The following SH2D4A variants were observed in gnomAD, a reference collection of about 807,000 sequenced individuals.
The protein encoded by SH2D4A is SH2 domain-containing protein 4A.
A neutral mutation model predicts 64.7 loss-of-function variants in SH2D4A; 70 were observed. That is an observed-to-expected ratio of 1.08 (90% CI 0.89 to 1.32). The LOEUF (loss-of-function observed/expected upper bound fraction) is 1.32. Among genes scored for constraint, SH2D4A ranks in the 40% most tolerant of loss-of-function variants. SH2D4A has a pLI of 0.00. For synonymous variants in SH2D4A, 268 were observed against 200.7 expected, an observed-to-expected ratio of 1.34 and a Z score of -2.83; for missense variants, 706 against 540.1, an observed-to-expected ratio of 1.31 and a Z score of -3.04.
At chr8:19,391,211 G>A (rs1007125083) in intron 8 of SH2D4A, among the ~76,000 whole-genome samples, 4 of 152,140 alleles carry the variant, frequency 2.6e-5, no homozygotes, top group African/African-American at 7.2e-5. Flanking sequence ...TTGTTTCAAC[G>A]TATGGTTGTC....
Position 19,394,615 on chromosome 8 carries a change from G to A in SH2D4A, c.1338G>A (p.Leu446=), listed in dbSNP as rs756503791. The A allele has an allele frequency of 1.2e-6, 2 of 1,610,838 alleles. No homozygotes were observed. Among genetic ancestry groups the A allele is most frequent in the Non-Finnish European group, 1.7e-6 (2 of 1,178,106 alleles). The change falls in exon 10 of 10, where the codon CTG becomes CTA. Residue 446 remains leucine (L), a synonymous_variant. Coordinates refer to ENST00000265807, the MANE Select transcript of SH2D4A (RefSeq NM_022071.4). ...LLYPCGQQDQ[L]PDYLELFE is the part of the protein sequence containing the mutation. ...ATCCCTGTGGTCAGCAGGACCAGCT[G>A]CCTGACTACCTGGAGCTGTTTGAGT... is the stretch of plus-strand genomic sequence containing the variant.
At position 19,313,786 on chromosome 8, in the gene SH2D4A, G is replaced by C. The variant is rs1225603011; in HGVS notation, c.-242G>C. On this transcript the variant is annotated 5_prime_UTR_variant, in exon 1 of 10. Coordinates refer to ENST00000265807, the MANE Select transcript of SH2D4A (RefSeq NM_022071.4). ...TTCTGGCGGCCAAGTGGATGTGGCG[G>C]GTGATCGAGCCACCCTGCCCAGGGG... 6.6e-7 allele frequency: 1 copy of C among 1,512,700 alleles called. No individual in the cohort carries two copies. Among genetic ancestry groups the C allele is most frequent in the Non-Finnish European group, 8.8e-7 (1 of 1,135,934 alleles). 93.7% of individuals were successfully genotyped at this position (1,512,700 alleles called of 1,614,324 possible).
chr8:19,332,892 C>G, intron 2 of SH2D4A, 63 bp from the exon 3 acceptor site: 1 of 1,520,684 alleles, frequency 6.6e-7, no homozygotes, highest in Non-Finnish European at 8.9e-7. Flanking sequence ...GTGATGGAAA[C>G]AGTAATCTGT....
chr8:19,382,820 A>ATTTTTTTTTTTTTTTTTT (rs2053318237), intron 8 of SH2D4A, among the ~76,000 whole-genome samples: 3 of 85,904 alleles, frequency 3.5e-5, no homozygotes, highest in Non-Finnish European at 4.9e-5. Flanking sequence ...TGCTTTTAAG[A>ATTTTTTTTTTTTTTTTTT]TTCTTTTTTT....
intron 3 of SH2D4A, among the ~76,000 whole-genome samples, chr8:19,333,705 G>C (rs184046842): frequency 2.8e-4 from 42 of 152,302 alleles, no homozygotes; most frequent in African/African-American, 9.1e-4. Flanking sequence ...AGTGCAGGCT[G>C]TGATTTGTGC....
At chr8:19,322,515 A>C (rs2052209105) in intron 2 of SH2D4A, among the ~76,000 whole-genome samples, 1 of 151,326 alleles carries the variant, frequency 6.6e-6, no homozygotes, top group South Asian at 2.1e-4. Context: ...TCATCTGGTC[A>C]TTTTTCACTA....
intron 1 of SH2D4A, among the ~76,000 whole-genome samples, chr8:19,318,122 T>C (rs959987315): frequency 6.6e-6 from 1 of 152,168 alleles, no homozygotes; most frequent in African/African-American, 2.4e-5. Flanking sequence ...GTCAGACTGG[T>C]CTCGAACTCC....
intron 4 of SH2D4A, among the ~76,000 whole-genome samples, chr8:19,347,626 A>G (rs991213909): frequency 6.6e-6 from 1 of 152,216 alleles, no homozygotes; most frequent in Non-Finnish European, 1.5e-5. Flanking sequence ...GAATAAAACT[A>G]TATCTGCTCA....
intron 8 of SH2D4A, among the ~76,000 whole-genome samples, chr8:19,385,213 GT>G (rs372352861): frequency 0.27 from 38,094 of 140,316 alleles, 5,129 homozygotes; most frequent in Middle Eastern, 0.36. Flanking sequence ...CTGTTTTTTT[GT>G]TTTTTTTTTT....
intron 5 of SH2D4A, among the ~76,000 whole-genome samples, chr8:19,360,319 A>T (rs1222789328): frequency 6.6e-6 from 1 of 151,718 alleles, no homozygotes; most frequent in African/African-American, 2.4e-5. Context: ...TTGAAACAAA[A>T]AAATACATAT....
intron 4 of SH2D4A, among the ~76,000 whole-genome samples, chr8:19,337,180 A>C (rs2117219496): frequency 6.6e-6 from 1 of 152,252 alleles, no homozygotes; most frequent in Admixed American, 6.5e-5. Flanking sequence ...GTGTCAGAGA[A>C]GATGCTGTCA....
At chr8:19,314,111 G>A in intron 1 of SH2D4A, 1 of 1,129,520 alleles carries the variant, frequency 8.9e-7, no homozygotes, top group Non-Finnish European at 1.1e-6. Context: ...CTGGGGGCTT[G>A]CAGGGGGTGG....
At chr8:19,378,947 C>T (rs1479828476) in intron 8 of SH2D4A, among the ~76,000 whole-genome samples, 5 of 142,072 alleles carry the variant, frequency 3.5e-5, no homozygotes, top group South Asian at 2.1e-4. Context: ...CCAGGCATGG[C>T]GGTGCATGCC....
At chr8:19,363,503 CTTT>C (rs1159863800) in intron 6 of SH2D4A, among the ~76,000 whole-genome samples, 1 of 152,112 alleles carries the variant, frequency 6.6e-6, no homozygotes, top group African/African-American at 2.4e-5. Context: ...ACTTGGGGTA[CTTT>C]TTTGTGTACT....
intron 7 of SH2D4A, among the ~76,000 whole-genome samples, chr8:19,366,387 A>G (rs2052994766): frequency 6.6e-6 from 1 of 152,138 alleles, no homozygotes; most frequent in Non-Finnish European, 1.5e-5. Context: ...TGTGCAGTAG[A>G]GCAGCAGAAC....
rs1321799688 is a variant in SH2D4A, at chr8:19,364,446, C to T, written c.917+164C>T. 2.0e-5 allele frequency among the ~76,000 whole-genome samples: 3 copies of T among 152,180 alleles called. No homozygotes were observed. In the South Asian group the frequency reaches 6.2e-4, roughly 32 times the overall value. ...TGTCTAAGCCTTCTTCCTGGGTGAT[C>T]TGGGCGGGCATTCCTCCCTTTTTTA... On this transcript the variant is annotated intron_variant, in intron 7 of 9. Transcript: ENST00000265807.
chr8:19,379,266 A>G lies in SH2D4A; in HGVS notation c.1048+5606A>G, dbSNP rs1359340983. On this transcript the variant is annotated intron_variant, in intron 8 of 9. Transcript: ENST00000265807. The stretch of plus-strand genomic sequence containing the variant: ...ATACCTCATATAAGTAGAACTGTAC[A>G]GTATTTGTCTTTCTGTGAGTGGCTT... 2.0e-5 allele frequency among the ~76,000 whole-genome samples: 3 copies of G among 152,140 alleles called. 1 individual carries two copies. The highest frequency in any genetic ancestry group is 2.0e-4 in the Admixed American group (3 of 15,254).
chr8:19,320,940 C>T (rs1272883012), intron 2 of SH2D4A, among the ~76,000 whole-genome samples: 2 of 152,224 alleles, frequency 1.3e-5, no homozygotes, highest in African/African-American at 4.8e-5. Flanking sequence ...TGCCCAGGTT[C>T]ACAAAGGAGG....
At chr8:19,347,964 G>C (rs1244271475) in intron 4 of SH2D4A, among the ~76,000 whole-genome samples, 4 of 152,094 alleles carry the variant, frequency 2.6e-5, no homozygotes, top group Non-Finnish European at 5.9e-5. Context: ...ACTGCCCCAA[G>C]GCTCTGACAC....
Sources: gnomAD v4.1 joint callset for allele counts (sites outside exome capture counted in the v4.1 genomes callset) on GRCh38, gnomAD v4.1.1 for gene constraint, MANE v1.5 for transcripts, NCBI Gene and HGNC (gene_info 2026-07-23, HGNC 2026-07-21) for gene names.